The following CDH23 variants were observed in gnomAD, a reference collection of about 807,000 sequenced individuals.
CDH23 encodes the protein cadherin-23.
Under a neutral mutation model 317.1 loss-of-function variants are expected in CDH23, and 189 were observed. The observed-to-expected ratio is 0.60, with a 90% CI of 0.53 to 0.67. The LOEUF (loss-of-function observed/expected upper bound fraction) is 0.67, where lower values mean the gene tolerates loss of function less well. Ranked by LOEUF, CDH23 falls within the 30% of genes least tolerant of loss-of-function variation. CDH23 has a pLI of 0.00. For synonymous variants in CDH23, 1,839 were observed against 1,876.8 expected (o/e 0.98, Z 0.52); for missense variants, 4,401 against 4,592.4 (o/e 0.96, Z 1.20).
At chr10:71,636,586 G>T (rs753491778) in intron 11 of CDH23, among the ~76,000 whole-genome samples, 12 of 152,192 alleles carry the variant, frequency 7.9e-5, no homozygotes, top group Non-Finnish European at 1.8e-4. Flanking sequence ...CCATGTGGTA[G>T]ATCAGAAGCC....
intron 9 of CDH23, among the ~76,000 whole-genome samples, chr10:71,593,691 G>A (rs1207305430): frequency 6.6e-6 from 1 of 152,226 alleles, no homozygotes; most frequent in Non-Finnish European, 1.5e-5. Flanking sequence ...CACATGTAAA[G>A]ATGCTGAAAC....
At chr10:71,530,774 T>C (rs896919683) in intron 6 of CDH23, among the ~76,000 whole-genome samples, 1 of 152,220 alleles carries the variant, frequency 6.6e-6, no homozygotes, top group Non-Finnish European at 1.5e-5. Flanking sequence ...AGTTAATCCT[T>C]ACCGAACATG....
intron 9 of CDH23, among the ~76,000 whole-genome samples, chr10:71,581,536 C>A (rs1321708672): frequency 6.6e-6 from 1 of 152,264 alleles, no homozygotes; most frequent in African/African-American, 2.4e-5. Context: ...TTTATGTCTG[C>A]ACACCAGTGC....
At chr10:71,648,433 C>T (rs576547943) in intron 14 of CDH23, among the ~76,000 whole-genome samples, 9 of 152,352 alleles carry the variant, frequency 5.9e-5, no homozygotes, top group African/African-American at 1.2e-4. Flanking sequence ...GACCACGTGG[C>T]AAAGAATTCT....
intron 6 of CDH23, among the ~76,000 whole-genome samples, chr10:71,540,098 C>T (rs1221394839): frequency 6.6e-6 from 1 of 152,150 alleles, no homozygotes; most frequent in Non-Finnish European, 1.5e-5. Context: ...ACTTTCTGCT[C>T]ACTAAGGATG....
At chr10:71,812,735 G>A in intron 67 of CDH23, 33 bp from the exon 68 acceptor site, 1 of 1,612,736 alleles carries the variant, frequency 6.2e-7, no homozygotes. Context: ...TGTGGGGTCT[G>A]CCTCTGCTCC....
intron 6 of CDH23, among the ~76,000 whole-genome samples, chr10:71,543,634 C>G (rs1252004320): frequency 6.6e-6 from 1 of 152,224 alleles, no homozygotes; most frequent in African/African-American, 2.4e-5. Context: ...CATGCTTCTC[C>G]TAGCCACTCT....
intron 6 of CDH23, among the ~76,000 whole-genome samples, chr10:71,528,514 A>G (rs941782410): frequency 5.9e-5 from 9 of 152,246 alleles, no homozygotes; most frequent in East Asian, 5.8e-4. Flanking sequence ...CCTGCGGCAG[A>G]CACAGCTTTT....
chr10:71,510,909 C>T (rs370538114), intron 4 of CDH23, 45 bp from the exon 5 acceptor site: 4 of 1,608,116 alleles, frequency 2.5e-6, no homozygotes, highest in African/African-American at 2.7e-5. Context: ...CCCAGGACCT[C>T]AGCACCGCCT....
intron 1 of CDH23, among the ~76,000 whole-genome samples, chr10:71,425,388 G>GAAGGAAGGAAGGAAGGAAGA (rs1298523495): frequency 2.1e-5 from 3 of 145,388 alleles, no homozygotes; most frequent in African/African-American, 5.1e-5. Flanking sequence ...AGGAAGGAAG[G>GAAGGAAGGAAGGAAGGAAGA]AAGGAAGGAA....
intron 60 of CDH23, among the ~76,000 whole-genome samples, chr10:71,808,485 T>C (rs1409420036): frequency 6.6e-6 from 1 of 152,240 alleles, no homozygotes; most frequent in Non-Finnish European, 1.5e-5. Flanking sequence ...CCTTCCCCTA[T>C]GTCAGGCATT....
At chr10:71,814,224 T>C (rs970438907) in intron 69 of CDH23, among the ~76,000 whole-genome samples, 5 of 152,232 alleles carry the variant, frequency 3.3e-5, no homozygotes, top group African/African-American at 9.6e-5. Context: ...CATCCCAGGA[T>C]GTTTATAGAG....
intron 14 of CDH23, among the ~76,000 whole-genome samples, chr10:71,657,595 G>A (rs561111444): frequency 1.3e-5 from 2 of 152,316 alleles, no homozygotes; most frequent in South Asian, 2.1e-4. Flanking sequence ...AAAACCAAGA[G>A]GACAAGCCGG....
At chr10:71,679,279 A>G in intron 16 of CDH23, 108 bp from the exon 17 acceptor site, 2 of 807,856 alleles carry the variant, frequency 2.5e-6, no homozygotes, top group East Asian at 5.3e-5. Context: ...TCACCCAAAA[A>G]AGGAGCTGTG....
intron 9 of CDH23, among the ~76,000 whole-genome samples, chr10:71,596,201 T>C (rs1278128842): frequency 6.6e-6 from 1 of 152,018 alleles, no homozygotes; most frequent in Non-Finnish European, 1.5e-5. Flanking sequence ...ATAATTAGGA[T>C]GTCGGTGGGA....
intron 3 of CDH23, among the ~76,000 whole-genome samples, chr10:71,467,333 G>T (rs746029154): frequency 3.9e-5 from 6 of 152,198 alleles, no homozygotes; most frequent in East Asian, 1.9e-4. Flanking sequence ...CCTCTGGAAG[G>T]CTTGCTGAAA....
At chr10:71,565,667 A>C (rs1857357379) in intron 6 of CDH23, among the ~76,000 whole-genome samples, 1 of 152,164 alleles carries the variant, frequency 6.6e-6, no homozygotes, top group African/African-American at 2.4e-5. Context: ...TAAAATTGCA[A>C]CTACTGTCTT....
Position 71,433,865 on chromosome 10 carries a change from A to G in CDH23, c.-5-5962A>G, listed in dbSNP as rs1336662089. On this transcript the variant is annotated intron_variant, in intron 1 of 69. Transcript: ENST00000224721. ...TCATCATCCCTGCCTGCATCCCTGCAGGAGCCTGGACACCAGTCTAGCCAC... is the reference window on the plus strand; with the variant it reads ...TCATCATCCCTGCCTGCATCCCTGCGGGAGCCTGGACACCAGTCTAGCCAC... 8.2e-5 allele frequency among the ~76,000 whole-genome samples: 12 copies of G among 146,176 alleles called. No individual in the cohort carries two copies. The East Asian group carries it at 2.3e-3, about 28-fold the overall frequency.
intron 10 of CDH23, among the ~76,000 whole-genome samples, chr10:71,616,291 G>C (rs754282893): frequency 2.0e-5 from 3 of 152,224 alleles, no homozygotes; most frequent in Non-Finnish European, 4.4e-5. Context: ...TGAGGCCAGG[G>C]GCTCTGGGAA....
Sources: gnomAD v4.1 joint callset for allele counts (sites outside exome capture counted in the v4.1 genomes callset) on GRCh38, gnomAD v4.1.1 for gene constraint, MANE v1.5 for transcripts, NCBI Gene and HGNC (gene_info 2026-07-23, HGNC 2026-07-21) for gene names.